The following GNA14 variants were observed in gnomAD, a reference collection of about 807,000 sequenced individuals.
GNA14 encodes G protein subunit alpha 14.
A neutral mutation model predicts 42.0 loss-of-function variants in GNA14; 50 were observed. The observed-to-expected ratio is 1.19, with a 90% CI of 0.95 to 1.51. The LOEUF is 1.51. GNA14 is among the 40% of genes most tolerant of loss of function. The pLI, the probability that GNA14 is intolerant of heterozygous loss-of-function variation, is 0.00. For synonymous variants in GNA14, 173 were observed against 163.1 expected (o/e 1.06, Z -0.46); for missense variants, 473 against 446.2 (o/e 1.06, Z -0.54).
chr9:77,434,622 G>T, intron 2 of GNA14, 100 bp from the exon 3 acceptor site: 2 of 1,039,496 alleles, frequency 1.9e-6, no homozygotes, highest in Non-Finnish European at 2.8e-6. Context: ...GATTTGGAGA[G>T]CTCTCACTAG....
intron 1 of GNA14, among the ~76,000 whole-genome samples, chr9:77,579,539 T>C (rs1458105156): frequency 1.3e-5 from 2 of 152,206 alleles, no homozygotes; most frequent in Non-Finnish European, 2.9e-5. Context: ...CTTTGCAAAT[T>C]CAAAGGAAAT....
At chr9:77,624,104 TG>T (rs1290049999) in intron 1 of GNA14, among the ~76,000 whole-genome samples, 2 of 152,144 alleles carry the variant, frequency 1.3e-5, no homozygotes, top group Non-Finnish European at 2.9e-5. Context: ...CCGCCATTAC[TG>T]AGGTTTGAGT....
At chr9:77,597,288 T>C (rs561636216) in intron 1 of GNA14, among the ~76,000 whole-genome samples, 1 of 152,320 alleles carries the variant, frequency 6.6e-6, no homozygotes, top group Admixed American at 6.5e-5. Context: ...TCTTGCCCTT[T>C]TAGTTCCTTC....
Position 77,623,216 on chromosome 9 carries a change from C to CAAAAA in GNA14, c.124+24449_124+24453dup, listed in dbSNP as rs34368561. 1.6e-3 allele frequency among the ~76,000 whole-genome samples: 43 copies of CAAAAA among 26,840 alleles called. 6 individuals carry two copies. Among genetic ancestry groups the CAAAAA allele is most frequent in the South Asian group, 3.5e-3 (1 of 286 alleles). The allele number at this position is 26,840 out of a possible 152,430, so 17.6% of individuals were successfully genotyped here. A position where few individuals can be genotyped will look rare whatever the true frequency, so the allele number is the denominator to read the frequency against. ...TGGGCAAAAGAGTGAGACGCTGTCTCAAAAAAAAAAAAAAAAAAAAAAAAA... is the reference window on the plus strand; with the variant it reads ...TGGGCAAAAGAGTGAGACGCTGTCTCAAAAAAAAAAAAAAAAAAAAAAAAAAAAAA... On this transcript the variant is annotated intron_variant, in intron 1 of 6. Coordinates refer to ENST00000341700, the MANE Select transcript of GNA14 (RefSeq NM_004297.4).
At chr9:77,522,098 A>C (rs1455215599) in intron 2 of GNA14, among the ~76,000 whole-genome samples, 1 of 152,182 alleles carries the variant, frequency 6.6e-6, no homozygotes, top group African/African-American at 2.4e-5. Context: ...CGGCCCCCCA[A>C]AGTGCTGGGA....
At chr9:77,458,904 A>AGCGGGGGG (rs55765810) in intron 2 of GNA14, among the ~76,000 whole-genome samples, 6 of 134,494 alleles carry the variant, frequency 4.5e-5, no homozygotes, top group East Asian at 2.2e-4. Context: ...CACAAGCTGG[A>AGCGGGGGG]GGGGGGGGGG....
intron 2 of GNA14, among the ~76,000 whole-genome samples, chr9:77,502,268 C>A (rs1836988828): frequency 6.6e-6 from 1 of 152,176 alleles, no homozygotes; most frequent in South Asian, 2.1e-4. Context: ...ATCCCTGCCA[C>A]CTTGTGACTG....
At chr9:77,495,444 C>T (rs950874837) in intron 2 of GNA14, among the ~76,000 whole-genome samples, 5 of 152,074 alleles carry the variant, frequency 3.3e-5, no homozygotes, top group African/African-American at 9.7e-5. Context: ...AAAAGAATGT[C>T]GCCTGGATCC....
At chr9:77,461,317 C>T (rs926454814) in intron 2 of GNA14, among the ~76,000 whole-genome samples, 49 of 152,348 alleles carry the variant, frequency 3.2e-4, no homozygotes, top group African/African-American at 1.1e-3. Flanking sequence ...GAAGCTGCGC[C>T]TTAGCAAGAT....
chr9:77,547,982 G>C (rs113198387), intron 1 of GNA14, among the ~76,000 whole-genome samples: 76 of 152,284 alleles, frequency 5.0e-4, no homozygotes, highest in African/African-American at 1.8e-3. Context: ...CAATGCATTT[G>C]GAAGACAAGG....
At chr9:77,606,924 C>A (rs775517890) in intron 1 of GNA14, among the ~76,000 whole-genome samples, 1 of 152,090 alleles carries the variant, frequency 6.6e-6, no homozygotes, top group Non-Finnish European at 1.5e-5. Flanking sequence ...GGAAGAGACA[C>A]CAGAATTTCT....
chr9:77,465,950 A>G (rs1049989617), intron 2 of GNA14, among the ~76,000 whole-genome samples: 9 of 151,964 alleles, frequency 5.9e-5, no homozygotes, highest in African/African-American at 1.9e-4. Context: ...TCTGGCTTCT[A>G]TTTTTCCAGT....
intron 1 of GNA14, among the ~76,000 whole-genome samples, chr9:77,622,830 C>T (rs1241483784): frequency 6.7e-6 from 1 of 148,280 alleles, no homozygotes; most frequent in African/African-American, 2.5e-5. Context: ...GGAGGCAGAG[C>T]TTACAGTGAG....
intron 2 of GNA14, among the ~76,000 whole-genome samples, chr9:77,436,743 C>A (rs1221863456): frequency 6.6e-6 from 1 of 152,206 alleles, no homozygotes; most frequent in Non-Finnish European, 1.5e-5. Context: ...AGGGCAGAAC[C>A]AATGTCTTAT....
At chr9:77,522,522 A>C (rs1837374923) in intron 2 of GNA14, among the ~76,000 whole-genome samples, 1 of 152,218 alleles carries the variant, frequency 6.6e-6, no homozygotes, top group South Asian at 2.1e-4. Flanking sequence ...AGGTCACTCC[A>C]TGGAAAAGAT....
At chr9:77,580,030 A>G (rs1173954852) in intron 1 of GNA14, among the ~76,000 whole-genome samples, 1 of 152,158 alleles carries the variant, frequency 6.6e-6, no homozygotes, top group Non-Finnish European at 1.5e-5. Flanking sequence ...TTCCCGGCCC[A>G]CTTGTAGCTT....
At chr9:77,512,343 T>G (rs1478266818) in intron 2 of GNA14, among the ~76,000 whole-genome samples, 3 of 152,238 alleles carry the variant, frequency 2.0e-5, no homozygotes. Context: ...TTTAAACTGC[T>G]AATATTTATT....
chr9:77,640,544 G>A (rs996173464), intron 1 of GNA14, among the ~76,000 whole-genome samples: 21 of 152,208 alleles, frequency 1.4e-4, no homozygotes, highest in African/African-American at 4.8e-4. Context: ...TATTTGCATT[G>A]CTTTTTGCCA....
chr9:77,564,993 ACATTT>A (rs1475909820), intron 1 of GNA14, among the ~76,000 whole-genome samples: 1 of 152,234 alleles, frequency 6.6e-6, no homozygotes, highest in African/African-American at 2.4e-5. Flanking sequence ...AAATACAAAT[ACATTT>A]CATTTTTCAA....
Sources: gnomAD v4.1 joint callset for allele counts (sites outside exome capture counted in the v4.1 genomes callset) on GRCh38, gnomAD v4.1.1 for gene constraint, MANE v1.5 for transcripts, NCBI Gene and HGNC (gene_info 2026-07-23, HGNC 2026-07-21) for gene names.